Variants in NPR1 observed in about 807,000 individuals in gnomAD.
NPR1 encodes atrial natriuretic peptide receptor 1.
A neutral mutation model predicts 116.9 loss-of-function variants in NPR1; 57 were observed. That is an observed-to-expected ratio of 0.49 (90% CI 0.39 to 0.61). The LOEUF (loss-of-function observed/expected upper bound fraction) is 0.61. NPR1 is among the 20% of genes least tolerant of loss of function. The pLI is 0.00. For synonymous variants in NPR1, 555 were observed against 601.6 expected (o/e 0.92, Z 1.13); for missense variants, 1,096 against 1,409.8 (o/e 0.78, Z 3.56).
rs1344619171 is a variant in NPR1, at chr1:153,686,705, CA to C, written c.1820del (p.Asn607IlefsTer62). 2 of 1,613,862 alleles carry C rather than the reference CA, an allele frequency of 1.2e-6. No individual in the cohort carries two copies. The highest frequency in any genetic ancestry group is 1.7e-6 in the Non-Finnish European group (2 of 1,179,880). On this transcript the variant is annotated frameshift_variant, in exon 11 of 22. Coordinates refer to ENST00000368680, the MANE Select transcript of NPR1 (RefSeq NM_000906.4). LOFTEE classifies it high-confidence loss of function. ...TTGTGGGAGCCTGCACCGACCCCCCCAATATCTGCATCCTCACAGAGTACTG... is the reference window on the plus strand; with the variant it reads ...TTGTGGGAGCCTGCACCGACCCCCCCATATCTGCATCCTCACAGAGTACTG... ...RFVGACTDPP[N>X]ICILTEYCPR...
At chr1:153,681,971 T>A in intron 4 of NPR1, 132 bp downstream of exon 4, 1 of 1,079,284 alleles carries the variant, frequency 9.3e-7, no homozygotes, top group Non-Finnish European at 1.3e-6. Flanking sequence ...CACAGCTTTT[T>A]TCAGGCCCAT....
chr1:153,683,607 T>C lies in NPR1; in HGVS notation c.1399+96T>C, dbSNP rs1318422604. ...GGTGCTCCTGTCCCATGCTGAGGGC[T>C]TTCTGGAGAATGACTCCTGCCTTTT... On this transcript the variant is annotated intron_variant, in intron 6 of 21. Coordinates refer to ENST00000368680, the MANE Select transcript of NPR1 (RefSeq NM_000906.4). 21 of 1,567,406 alleles carry C rather than the reference T, an allele frequency of 1.3e-5. No homozygotes were observed. The South Asian group carries it at 1.7e-4, about 13-fold the overall frequency.
chr1:153,680,545 C>T lies in NPR1; in HGVS notation c.766C>T (p.Leu256Phe). Residue 256 changes from leucine to phenylalanine, a missense_variant, in exon 2 of 22, where the codon CTC becomes TTC. Transcript: ENST00000368680. ...CCCTGATGCCTTCAGAACCCTCATG[C>T]TCCTGGCCCTGGAAGCTGGCTTGTG... Reference protein sequence around the residue: ...SSPDAFRTLMLLALEAGLCGE... With the variant: ...SSPDAFRTLMFLALEAGLCGE... 6.2e-7 allele frequency: 1 copy of T among 1,614,230 alleles called. No individual in the cohort carries two copies. Among genetic ancestry groups the T allele is most frequent in the African/African-American group, 1.3e-5 (1 of 75,070 alleles).
rs1358012347 is a variant in NPR1, at chr1:153,681,251, C to T, written c.993C>T (p.His331=). Residue 331 remains histidine (H), a synonymous_variant, in exon 3 of 22, where the codon CAC becomes CAT. Transcript: ENST00000368680. ...TGGAATTCCTGAAGCAGTTAAAACA[C>T]CTGGCCTATGAGCAGTTCAACTTCA... The part of the protein sequence containing the change: ...EYLEFLKQLK[H]LAYEQFNFTM... The T allele has an allele frequency of 1.2e-6, 2 of 1,613,498 alleles. No individual in the cohort carries two copies. Among genetic ancestry groups the T allele is most frequent in the Non-Finnish European group, 1.7e-6 (2 of 1,179,552 alleles).
chr1:153,683,382 C>A lies in NPR1; in HGVS notation c.1270C>A (p.Leu424Met), dbSNP rs1390129291. The A allele has an allele frequency of 6.2e-7, 1 of 1,613,944 alleles. No homozygotes were observed. The highest frequency in any genetic ancestry group is 8.5e-7 in the Non-Finnish European group (1 of 1,179,974). The change falls in exon 6 of 22, where the codon CTG becomes ATG. Residue 424 changes from leucine to methionine, a missense_variant. Transcript: ENST00000368680. ...CACTCCTGCTCTCCCTTAGGTTGTA[C>A]TGAACTACAATGGGACTTCCCAAGA... ...DPENGAFRVV[L>M]NYNGTSQELV...
chr1:153,686,243 G>T (rs750219302), intron 10 of NPR1, 43 bp downstream of exon 10: 11 of 1,566,484 alleles, frequency 7.0e-6, no homozygotes, highest in Non-Finnish European at 9.7e-6. Context: ...AGGGGCCCTC[G>T]GGGACGCAAG....
intron 10 of NPR1, 55 bp from the exon 11 acceptor site, chr1:153,686,591 A>C (rs1430342842): frequency 1.4e-6 from 2 of 1,421,324 alleles, no homozygotes; most frequent in Non-Finnish European, 2.0e-6. Flanking sequence ...GCTAGTGAGC[A>C]GCTTGGTGAG....
rs61758565 is a variant in NPR1, at chr1:153,687,172, C to T, written c.1936-28C>T. The T allele has an allele frequency of 1.9e-3, 3,080 of 1,613,992 alleles. 20 individuals carry two copies. The highest frequency in any genetic ancestry group is 1.4e-3 in the Non-Finnish European group (1,698 of 1,179,884). ...CACGGGTGTAGGTCCCACTCCTGGC[C>T]AATACCTCTGCCCACTCACATTTCC... On this transcript the variant is annotated intron_variant, in intron 12 of 21. Transcript: ENST00000368680.
At chr1:153,690,078 C>A (rs962522640) in intron 19 of NPR1, 98 bp downstream of exon 19, 1 of 521,908 alleles carries the variant, frequency 1.9e-6, no homozygotes, top group East Asian at 3.2e-5. Flanking sequence ...ATCTCTCTCT[C>A]TCTCTCTCTC....
Position 153,680,687 on chromosome 1 carries a change from G to A in NPR1, c.908G>A (p.Arg303His), listed in dbSNP as rs762497355. 12 of 1,613,016 alleles carry A rather than the reference G, an allele frequency of 7.4e-6. No individual in the cohort carries two copies. The highest frequency in any genetic ancestry group is 1.0e-5 in the Non-Finnish European group (12 of 1,179,736). ...GGGGATGGGCAGGATGTCAGTGCCC[G>A]CCAGGCCTTTCAGGTGAGTACCTAG... ...ERGDGQDVSA[R>H]QAFQAAKIIT... The change falls in exon 2 of 22, where the codon CGC (arginine) becomes CAC (histidine). Residue 303 changes from arginine (R) to histidine (H), a missense_variant. By Grantham distance (29) the Arg-to-His change is conservative. Transcript: ENST00000368680.
intron 8 of NPR1, 73 bp downstream of exon 8, chr1:153,685,157 G>T: frequency 6.4e-6 from 10 of 1,566,362 alleles, no homozygotes; most frequent in Non-Finnish European, 8.7e-6. Context: ...CTGAGGGATA[G>T]GTAAGGGAGC....
At chr1:153,681,514 C>A in intron 3 of NPR1, 190 bp from the exon 4 acceptor site, 1 of 669,304 alleles carries the variant, frequency 1.5e-6, no homozygotes. Flanking sequence ...GCCCTGTCTA[C>A]CTAGTAGGAT....
At position 153,693,121 on chromosome 1, in the gene NPR1, T is replaced by A; in HGVS notation, c.3047T>A (p.Leu1016Ter). 1.9e-6 allele frequency: 3 copies of A among 1,613,632 alleles called. No homozygotes were observed. The highest frequency in any genetic ancestry group is 2.5e-6 in the Non-Finnish European group (3 of 1,179,802). Residue 1016 changes from leucine (L) to a stop codon, truncating the protein, a stop_gained, in exon 21 of 22, where the codon TTG (leucine) becomes TAG (stop). Transcript: ENST00000368680. LOFTEE classifies it high-confidence loss of function. Reference protein sequence around the residue: ...ESNGEALKIHLSSETKAVLEE... With the variant: ...ESNGEALKIH ...TCCTACCCAGCCCTGAAGATCCACT[T>A]GTCTTCTGAGACCAAGGCTGTCCTG... is the stretch of plus-strand genomic sequence containing the variant.
intron 1 of NPR1, among the ~76,000 whole-genome samples, chr1:153,680,175 C>T (rs891282545): frequency 4.0e-5 from 6 of 150,444 alleles, no homozygotes; most frequent in Non-Finnish European, 8.9e-5. Flanking sequence ...CTCATCCCCT[C>T]TCTTCTCCCC....
At chr1:153,683,222 C>T (rs1669831226) in intron 5 of NPR1, among the ~76,000 whole-genome samples, 154 bp from the exon 6 acceptor site, 1 of 151,916 alleles carries the variant, frequency 6.6e-6, no homozygotes, top group African/African-American at 2.4e-5. Context: ...GTCCTGTGTC[C>T]AGTTGCAGTG....
In NPR1 at chr1:153,689,141, C is replaced by T. The variant is rs1202482755; in HGVS notation, c.2564+42C>T. The T allele has an allele frequency of 3.7e-6, 6 of 1,614,048 alleles. No individual in the cohort carries two copies. Among genetic ancestry groups the T allele is most frequent in the South Asian group, 1.1e-5 (1 of 91,096 alleles). ...GGGGACCCCCCCCAACACAAAGCCCCTGTCCCGACCCCCAACTCTGATCCT... is the reference window on the plus strand; with the variant it reads ...GGGGACCCCCCCCAACACAAAGCCCTTGTCCCGACCCCCAACTCTGATCCT... On this transcript the variant is annotated intron_variant, in intron 16 of 21. Coordinates refer to ENST00000368680, the MANE Select transcript of NPR1 (RefSeq NM_000906.4). This position sits in a 1 kb window ranked among gnomAD's most constrained non-coding sequence, Gnocchi z 5.1.
At chr1:153,681,671 C>A in intron 3 of NPR1, 33 bp from the exon 4 acceptor site, 1 of 1,606,660 alleles carries the variant, frequency 6.2e-7, no homozygotes, top group South Asian at 1.1e-5. Context: ...CCTTCATATG[C>A]CCACCCCAGC....
chr1:153,691,958 G>C (rs1396794519), intron 20 of NPR1, among the ~76,000 whole-genome samples: 1 of 152,040 alleles, frequency 6.6e-6, no homozygotes, highest in Admixed American at 6.6e-5. Context: ...CACTGTGATT[G>C]ATGCAAACCC....
chr1:153,689,437 T>G lies in NPR1; in HGVS notation c.2689-16T>G, dbSNP rs746270224. 3 of 1,613,980 alleles carry G rather than the reference T, an allele frequency of 1.9e-6. No individual in the cohort carries two copies. Among genetic ancestry groups the G allele is most frequent in the Non-Finnish European group, 2.5e-6 (3 of 1,179,968 alleles). ...TCCCCTACTTCCTGTCTCTCTTAGC[T>G]TCTCTTCCCTTCCAGGTGGTGACCC... On this transcript the variant is annotated splice_polypyrimidine_tract_variant and intron_variant, in intron 17 of 21. Transcript: ENST00000368680. The surrounding 1 kb of genome is among the most constrained non-coding windows in gnomAD (Gnocchi z 5.1).
Sources: allele counts gnomAD v4.1 joint callset (sites outside exome capture counted in the v4.1 genomes callset), GRCh38; gene constraint gnomAD v4.1.1; non-coding constraint Gnocchi (gnomAD v3.1); transcripts MANE v1.5; gene names NCBI Gene and HGNC (gene_info 2026-07-23, HGNC 2026-07-21).